HERC1: variants seen among roughly 807,000 people sequenced by gnomAD.
HERC1 encodes the protein HECT and RLD domain containing E3 ubiquitin protein ligase family member 1.
HERC1 carries 160 observed loss-of-function variants against 554.3 expected under a neutral mutation model. The ratio of observed to expected loss-of-function variants is 0.29; its 90% CI spans 0.25 to 0.33. HERC1 has a LOEUF of 0.33. HERC1 is among the 10% of genes least tolerant of loss of function. The probability of loss-of-function intolerance (pLI) is 1.00; values close to 1 mark genes in which losing one functional copy is unlikely to be tolerated. For missense variants in HERC1, 4,919 were observed against 5,918.5 expected, an observed-to-expected ratio of 0.83 and a Z score of 5.54; for synonymous variants, 2,175 against 2,131.7, an observed-to-expected ratio of 1.02 and a Z score of -0.56.
At chr15:63,619,052 G>A (rs1264054380) in intron 74 of HERC1, among the ~76,000 whole-genome samples, 2 of 152,156 alleles carry the variant, frequency 1.3e-5, no homozygotes, top group Non-Finnish European at 2.9e-5. Context: ...AGTGGTGAGA[G>A]AGGGCATCCC....
intron 1 of HERC1, among the ~76,000 whole-genome samples, chr15:63,827,883 C>G (rs950304316): frequency 1.2e-4 from 18 of 152,120 alleles, no homozygotes; most frequent in African/African-American, 3.6e-4. Context: ...AGAAGCCAGG[C>G]ACAAAACGCC....
chr15:63,823,387 T>A (rs2077770173), intron 1 of HERC1, among the ~76,000 whole-genome samples: 2 of 152,242 alleles, frequency 1.3e-5, no homozygotes, highest in Non-Finnish European at 2.9e-5. Context: ...TATTTCATCC[T>A]CACATCAGCC....
At chr15:63,707,094 T>C (rs1403985527) in intron 24 of HERC1, among the ~76,000 whole-genome samples, 1 of 152,188 alleles carries the variant, frequency 6.6e-6, no homozygotes, top group South Asian at 2.1e-4. Context: ...TTTTGTTACC[T>C]TTTTCCATTG....
At chr15:63,708,270 G>A (rs998209263) in intron 24 of HERC1, among the ~76,000 whole-genome samples, 1 of 152,060 alleles carries the variant, frequency 6.6e-6, no homozygotes, top group Admixed American at 6.5e-5. Context: ...TGGTTCTCTT[G>A]AACAATTTTG....
At chr15:63,773,271 C>T (rs2076004714) in intron 2 of HERC1, among the ~76,000 whole-genome samples, 1 of 151,712 alleles carries the variant, frequency 6.6e-6, no homozygotes, top group Admixed American at 6.6e-5. Flanking sequence ...TGGTGAAACC[C>T]CGTCTCTACT....
chr15:63,813,803 C>T (rs2077406047), intron 1 of HERC1, among the ~76,000 whole-genome samples: 2 of 152,278 alleles, frequency 1.3e-5, no homozygotes, highest in African/African-American at 4.8e-5. Flanking sequence ...TATGGTGGCT[C>T]GCGCCTGTAA....
At chr15:63,689,738 GT>G in intron 32 of HERC1, 39 bp from the exon 33 acceptor site, 1 of 1,195,414 alleles carries the variant, frequency 8.4e-7, no homozygotes, top group South Asian at 1.4e-5. Flanking sequence ...TTTGTAAAAA[GT>G]AACTTTAAGT....
chr15:63,672,757 G>A (rs972588885), intron 38 of HERC1, 63 bp from the exon 39 acceptor site: 4 of 1,147,422 alleles, frequency 3.5e-6, no homozygotes, highest in Non-Finnish European at 4.9e-6. Context: ...ATAACAGCGG[G>A]AATAAAAAAC....
rs764540549 is a variant in HERC1 at position 63,678,189 on chromosome 15, G to T, written c.6726C>A (p.His2242Gln). The change falls in exon 37 of 78, where the codon CAC becomes CAA. Residue 2242 changes from histidine (H) to glutamine (Q), a missense_variant. This residue lies in a region of HERC1 where 1,963 missense variants were observed against 2,228.6 expected (regional missense o/e 0.88). Coordinates refer to ENST00000443617, the MANE Select transcript of HERC1 (RefSeq NM_003922.4). ...CINKKMMERL[H>Q]KIKICIKESG... The stretch of plus-strand genomic sequence containing the variant: ...ACTCTTTAATACATATCTTAATTTT[G>T]TGAAGCCTTTCCATCATTTTTTTGT... 6.2e-7 allele frequency: 1 copy of T among 1,608,980 alleles called. No homozygotes were observed.
At chr15:63,610,456 C>T (rs796302141) in intron 77 of HERC1, among the ~76,000 whole-genome samples, 63 of 152,326 alleles carry the variant, frequency 4.1e-4, no homozygotes, top group African/African-American at 1.4e-3. Flanking sequence ...GGATTAACTC[C>T]TAGAACGGCA....
At chr15:63,648,237 T>C in intron 54 of HERC1, 38 bp from the exon 55 acceptor site, 1 of 1,556,548 alleles carries the variant, frequency 6.4e-7, no homozygotes, top group Non-Finnish European at 8.7e-7. Flanking sequence ...GAAAAGATAA[T>C]TATTTGTCAT....
rs71394523 is a variant in HERC1, at chr15:63,652,325, T to C, written c.10418+89A>G. 2.1e-3 allele frequency: 2,607 copies of C among 1,232,308 alleles called. 6 individuals carry two copies. The highest frequency in any genetic ancestry group is 2.9e-3 in the Admixed American group (91 of 30,994). The allele number at this position is 1,232,308 out of a possible 1,614,324, so 76.3% of individuals were successfully genotyped here. ...AAAAGAAAATTTCAAAAAATTTTAG[T>C]GACAATATGATTACATTAACACAAC... On this transcript the variant is annotated intron_variant, in intron 52 of 77. Coordinates refer to ENST00000443617, the MANE Select transcript of HERC1 (RefSeq NM_003922.4).
At chr15:63,625,855 G>T in intron 71 of HERC1, 130 bp downstream of exon 71, 5 of 898,736 alleles carry the variant, frequency 5.6e-6, no homozygotes, top group Non-Finnish European at 9.0e-6. Context: ...GGGAATAGAA[G>T]TGTTATCTTA....
At chr15:63,722,396 G>A (rs1171714454) in intron 19 of HERC1, among the ~76,000 whole-genome samples, 3 of 152,164 alleles carry the variant, frequency 2.0e-5, no homozygotes, top group African/African-American at 4.8e-5. Flanking sequence ...GAAGATAATC[G>A]TTAAACAGAC....
intron 21 of HERC1, 78 bp from the exon 22 acceptor site, chr15:63,716,551 T>G: frequency 8.3e-7 from 1 of 1,207,936 alleles, no homozygotes; most frequent in Non-Finnish European, 1.1e-6. Context: ...CCTTTAATTT[T>G]TTATCATGGA....
chr15:63,741,971 C>T (rs1028567225), intron 12 of HERC1, among the ~76,000 whole-genome samples: 3 of 152,170 alleles, frequency 2.0e-5, no homozygotes, highest in Non-Finnish European at 4.4e-5. Flanking sequence ...TACTCTGGAT[C>T]CTTGAATTTC....
intron 48 of HERC1, 40 bp from the exon 49 acceptor site, chr15:63,656,398 T>C (rs200625503): frequency 7.6e-6 from 12 of 1,573,942 alleles, no homozygotes; most frequent in Non-Finnish European, 8.6e-7. Flanking sequence ...ATAAAGAAAA[T>C]GGATTTCTTA....
rs1243882451 is a variant in HERC1, at chr15:63,694,161, T to C, written c.5481-4A>G. 5 of 1,590,176 alleles carry C rather than the reference T, an allele frequency of 3.1e-6. No individual in the cohort carries two copies. Among genetic ancestry groups the C allele is most frequent in the Non-Finnish European group, 4.3e-6 (5 of 1,169,086 alleles). On this transcript the variant is annotated splice_polypyrimidine_tract_variant and splice_region_variant and intron_variant, in intron 29 of 77. Coordinates refer to ENST00000443617, the MANE Select transcript of HERC1 (RefSeq NM_003922.4). The surrounding 1 kb of genome is among the most constrained non-coding windows in gnomAD (Gnocchi z 4.3). Reference sequence around the variant, plus strand: ...ACTCAGTTTATCAGCATAGGTCCTATGTGAAATAAAAGAAAAAAATAAGTG... The same window carrying C: ...ACTCAGTTTATCAGCATAGGTCCTACGTGAAATAAAAGAAAAAAATAAGTG...
At chr15:63,654,786 T>C (rs970781484) in intron 50 of HERC1, among the ~76,000 whole-genome samples, 1 of 151,590 alleles carries the variant, frequency 6.6e-6, no homozygotes, top group Non-Finnish European at 1.5e-5. Context: ...GGAGAATTGC[T>C]TCAAGCTGGG....
Sources: allele counts gnomAD v4.1 joint callset (sites outside exome capture counted in the v4.1 genomes callset), GRCh38; gene constraint gnomAD v4.1.1; regional missense constraint gnomAD v4.1.1; non-coding constraint Gnocchi (gnomAD v3.1); transcripts MANE v1.5; gene names NCBI Gene and HGNC (gene_info 2026-07-23, HGNC 2026-07-21).